PAK5: variants seen among roughly 807,000 people sequenced by gnomAD.
PAK5 encodes the protein serine/threonine-protein kinase PAK 5.
A neutral mutation model predicts 65.9 loss-of-function variants in PAK5; 16 were observed. That is an observed-to-expected ratio of 0.24 (90% CI 0.16 to 0.37). The LOEUF is 0.37. Among genes scored for constraint, PAK5 ranks in the 10% least tolerant of loss-of-function variants. The pLI, the probability that PAK5 is intolerant of heterozygous loss-of-function variation, is 1.00. For missense variants in PAK5, 785 were observed against 903.9 expected (o/e 0.87, Z 1.69); for synonymous variants, 371 against 354.9 (o/e 1.05, Z -0.51).
chr20:9,546,165 T>C (rs377252879), intron 7 of PAK5, among the ~76,000 whole-genome samples: 1 of 152,194 alleles, frequency 6.6e-6, no homozygotes, highest in African/African-American at 2.4e-5. Flanking sequence ...TCCAAACATA[T>C]AGCAAAGCTG....
intron 1 of PAK5, among the ~76,000 whole-genome samples, chr20:9,750,631 T>C (rs1408785145): frequency 6.6e-6 from 1 of 152,140 alleles, no homozygotes; most frequent in Non-Finnish European, 1.5e-5. Context: ...TTATGAAATT[T>C]ATTGAAAGGA....
chr20:9,553,077 AC>A, intron 7 of PAK5, among the ~76,000 whole-genome samples: 1 of 152,104 alleles, frequency 6.6e-6, no homozygotes, highest in East Asian at 1.9e-4. Flanking sequence ...TGCAACGTGC[AC>A]CCGTCTCTCC....
intron 1 of PAK5, among the ~76,000 whole-genome samples, chr20:9,731,216 A>G (rs1010596121): frequency 2.0e-5 from 3 of 152,244 alleles, no homozygotes; most frequent in Non-Finnish European, 4.4e-5. Flanking sequence ...CAATTTTATA[A>G]TCACATTATA....
rs111814246 is a variant in PAK5 at position 9,591,488 on chromosome 20, C to T, written c.205-10558G>A. 3.1e-3 allele frequency among the ~76,000 whole-genome samples: 466 copies of T among 152,132 alleles called. 3 individuals carry two copies. The highest frequency in any genetic ancestry group is 0.01 in the African/African-American group (430 of 41,484). On this transcript the variant is annotated intron_variant, in intron 3 of 9. Coordinates refer to ENST00000353224, the MANE Select transcript of PAK5 (RefSeq NM_177990.4). ...CTTTTTAAAGAAAGGATGTTCAAAA[C>T]TCAGAATTTATGGAAATTGGGGAAA...
chr20:9,683,950 T>C (rs572684960), intron 2 of PAK5, among the ~76,000 whole-genome samples: 1 of 152,338 alleles, frequency 6.6e-6, no homozygotes, highest in South Asian at 2.1e-4. Flanking sequence ...TGACTGATCT[T>C]AGCTTTCTCT....
intron 2 of PAK5, among the ~76,000 whole-genome samples, chr20:9,693,995 T>A (rs1186121993): frequency 6.6e-6 from 1 of 152,030 alleles, no homozygotes; most frequent in Non-Finnish European, 1.5e-5. Context: ...AGGTCCTTTT[T>A]TTTTTAAGGT....
chr20:9,721,732 T>TTG (rs1173558986), intron 1 of PAK5, among the ~76,000 whole-genome samples: 255 of 150,494 alleles, frequency 1.7e-3, no homozygotes, highest in African/African-American at 4.6e-3. Flanking sequence ...TTCATAGTTT[T>TTG]TGTGTGTGTG....
intron 2 of PAK5, among the ~76,000 whole-genome samples, chr20:9,681,415 T>G (rs995792856): frequency 6.6e-6 from 1 of 152,166 alleles, no homozygotes; most frequent in African/African-American, 2.4e-5. Context: ...AAATAAACTA[T>G]CTTGCTTAAA....
At chr20:9,706,736 G>A (rs980845613) in intron 2 of PAK5, among the ~76,000 whole-genome samples, 1 of 151,166 alleles carries the variant, frequency 6.6e-6, no homozygotes, top group Non-Finnish European at 1.5e-5. Context: ...TCGAACTCTT[G>A]AGCTCAAGCA....
intron 3 of PAK5, among the ~76,000 whole-genome samples, chr20:9,612,538 C>T (rs1190158087): frequency 1.3e-5 from 2 of 151,994 alleles, no homozygotes; most frequent in Admixed American, 6.6e-5. Flanking sequence ...GGGGAGGGGC[C>T]GCACATTTGT....
intron 4 of PAK5, among the ~76,000 whole-genome samples, chr20:9,568,333 A>C (rs888628338): frequency 3.9e-5 from 6 of 152,192 alleles, no homozygotes; most frequent in African/African-American, 1.4e-4. Flanking sequence ...GCAGGATTTG[A>C]AGATGGAGCT....
chr20:9,837,260 G>A (rs952107411), intron 1 of PAK5, among the ~76,000 whole-genome samples: 1 of 152,150 alleles, frequency 6.6e-6, no homozygotes, highest in Admixed American at 6.5e-5. Flanking sequence ...GGTATTATCA[G>A]ATTGGACATT....
chr20:9,566,158 A>C lies in PAK5; in HGVS notation c.1217T>G (p.Leu406Arg), dbSNP rs371857333. The C allele has an allele frequency of 3.1e-6, 5 of 1,613,668 alleles. No individual in the cohort carries two copies. In the African/African-American group the frequency reaches 6.7e-5, roughly 22 times the overall value. The change falls in exon 5 of 10, where the codon CTC becomes CGC. Residue 406 changes from leucine to arginine, a missense_variant. Coordinates refer to ENST00000353224, the MANE Select transcript of PAK5 (RefSeq NM_177990.4). ...STASYLSSLS[L>R]SSSTYPPPSW... ...GGGCGGCGGGTAGGTGCTGGATGAG[A>C]GGCTGAGGGAGCTCAGGTAGGAAGC...
At chr20:9,814,793 A>G (rs2049337402) in intron 1 of PAK5, among the ~76,000 whole-genome samples, 1 of 152,204 alleles carries the variant, frequency 6.6e-6, no homozygotes, top group Admixed American at 6.6e-5. Context: ...CAATGACACG[A>G]GGGTGGACAC....
rs184643967 is a variant in PAK5, at chr20:9,838,017, C to A, written c.-162+745G>T. Among the ~76,000 whole-genome samples, 21 of 152,260 alleles carry A rather than the reference C, an allele frequency of 1.4e-4. No homozygotes were observed. The East Asian group carries it at 4.1e-3, about 29-fold the overall frequency. On this transcript the variant is annotated intron_variant, in intron 1 of 9. Coordinates refer to ENST00000353224, the MANE Select transcript of PAK5 (RefSeq NM_177990.4). This position sits in a 1 kb window ranked among gnomAD's most constrained non-coding sequence, Gnocchi z 4.5. The stretch of plus-strand genomic sequence containing the variant: ...AGGGCGATCGCGCTTATCCTCCAAA[C>A]TGAGCAGTGATGATCCCTGGACTTC...
chr20:9,739,952 G>A (rs1343720181), intron 1 of PAK5, among the ~76,000 whole-genome samples: 1 of 152,148 alleles, frequency 6.6e-6, no homozygotes, highest in Non-Finnish European at 1.5e-5. Context: ...CTTTGCTTCT[G>A]TCTAGCTTTT....
At chr20:9,665,931 G>T (rs1329889520) in intron 2 of PAK5, among the ~76,000 whole-genome samples, 3 of 152,066 alleles carry the variant, frequency 2.0e-5, no homozygotes, top group African/African-American at 7.2e-5. Context: ...CAGTTTTACT[G>T]GACCCCTGGG....
At chr20:9,817,706 A>C (rs1394749190) in intron 1 of PAK5, among the ~76,000 whole-genome samples, 1 of 152,288 alleles carries the variant, frequency 6.6e-6, no homozygotes, top group Non-Finnish European at 1.5e-5. Context: ...GAAACTAATA[A>C]ATTTGACCAA....
intron 1 of PAK5, among the ~76,000 whole-genome samples, chr20:9,795,396 A>G (rs987501338): frequency 2.6e-5 from 4 of 152,126 alleles, no homozygotes; most frequent in Admixed American, 2.6e-4. Flanking sequence ...GTCTTTAAAA[A>G]TAACTTTTGT....
Sources: gnomAD v4.1 joint callset for allele counts (sites outside exome capture counted in the v4.1 genomes callset) on GRCh38, gnomAD v4.1.1 for gene constraint, Gnocchi (gnomAD v3.1) non-coding constraint, MANE v1.5 for transcripts, NCBI Gene and HGNC (gene_info 2026-07-23, HGNC 2026-07-21) for gene names.